SNX13: variants seen among roughly 807,000 people sequenced by gnomAD.
SNX13 encodes the protein sorting nexin 13, also known as sorting nexin-13.
A neutral mutation model predicts 133.6 loss-of-function variants in SNX13; 45 were observed. That is an observed-to-expected ratio of 0.34 (90% CI 0.27 to 0.43). SNX13 has a LOEUF of 0.43. Among genes scored for constraint, SNX13 ranks in the 20% least tolerant of loss-of-function variants. SNX13 has a pLI of 1.00. For synonymous variants in SNX13, 414 were observed against 373.9 expected, an observed-to-expected ratio of 1.11 and a Z score of -1.24; for missense variants, 1,032 against 1,145.1, an observed-to-expected ratio of 0.90 and a Z score of 1.43.
At chr7:17,938,506 C>T (rs6973480) in intron 1 of SNX13, among the ~76,000 whole-genome samples, 69,719 of 152,084 alleles carry the variant, frequency 0.46, 16,637 homozygotes, top group Admixed American at 0.54. Context: ...GAAAAGTTAA[C>T]AGAATGGGCT....
chr7:17,802,083 A>G (rs1198571516), intron 21 of SNX13, among the ~76,000 whole-genome samples: 1 of 152,054 alleles, frequency 6.6e-6, no homozygotes, highest in Non-Finnish European at 1.5e-5. Context: ...TTTGTGTACC[A>G]TTGTGTTAAA....
chr7:17,906,060 G>C (rs541952847), intron 1 of SNX13, among the ~76,000 whole-genome samples: 1 of 152,204 alleles, frequency 6.6e-6, no homozygotes, highest in East Asian at 1.9e-4. Context: ...TAGTTTGTGT[G>C]GGATAAATGC....
chr7:17,805,211 TTGTGTGTGTGTGTGTGTG>T (rs55946438), intron 20 of SNX13, among the ~76,000 whole-genome samples: 3 of 118,492 alleles, frequency 2.5e-5, no homozygotes, highest in Non-Finnish European at 3.4e-5. Flanking sequence ...TAATGATTCT[TTGTGTGTGTGTGTGTGTG>T]TGTGTGTGTG....
chr7:17,872,416 G>A (rs776447260), intron 8 of SNX13, among the ~76,000 whole-genome samples: 1 of 152,074 alleles, frequency 6.6e-6, no homozygotes, highest in African/African-American at 2.4e-5. Context: ...TATGCCAAAT[G>A]GATACTCTGC....
At chr7:17,938,687 T>C (rs1045546391) in intron 1 of SNX13, among the ~76,000 whole-genome samples, 3 of 152,226 alleles carry the variant, frequency 2.0e-5, no homozygotes, top group Non-Finnish European at 2.9e-5. Context: ...GAAAGCTCCA[T>C]CTTTCCAAAT....
At chr7:17,825,530 A>G (rs1218042186) in intron 17 of SNX13, among the ~76,000 whole-genome samples, 1 of 152,166 alleles carries the variant, frequency 6.6e-6, no homozygotes, top group East Asian at 1.9e-4. Flanking sequence ...ATTTACTAAC[A>G]ATTCTTCACA....
chr7:17,872,012 T>C (rs1409007351), intron 8 of SNX13, among the ~76,000 whole-genome samples: 1 of 152,186 alleles, frequency 6.6e-6, no homozygotes, highest in East Asian at 1.9e-4. Flanking sequence ...AGACTTCCAC[T>C]TTGGACATTT....
At chr7:17,827,054 C>T (rs1787988704) in intron 16 of SNX13, among the ~76,000 whole-genome samples, 3 of 151,982 alleles carry the variant, frequency 2.0e-5, no homozygotes, top group Non-Finnish European at 1.5e-5. Context: ...TTCTAGGAGT[C>T]CAGAATTTTG....
intron 17 of SNX13, among the ~76,000 whole-genome samples, chr7:17,822,502 CT>C (rs1480374387): frequency 1.3e-5 from 2 of 151,942 alleles, no homozygotes; most frequent in African/African-American, 4.8e-5. Context: ...TTATTTGGTT[CT>C]TTTTCATACT....
intron 1 of SNX13, among the ~76,000 whole-genome samples, chr7:17,916,372 G>C (rs1034337846): frequency 6.6e-6 from 1 of 152,066 alleles, no homozygotes; most frequent in Non-Finnish European, 1.5e-5. Context: ...AAAATCAAAA[G>C]TTGGTTATTT....
intron 20 of SNX13, among the ~76,000 whole-genome samples, chr7:17,808,989 C>A (rs1785654671): frequency 6.6e-6 from 1 of 152,090 alleles, no homozygotes; most frequent in African/African-American, 2.4e-5. Context: ...CCAGTATCAG[C>A]CACTGCAAAA....
chr7:17,888,701 T>C, intron 5 of SNX13: 1 of 470,932 alleles, frequency 2.1e-6, no homozygotes, highest in Non-Finnish European at 4.4e-6. Flanking sequence ...CTTTGTTTTA[T>C]TCACTGCTGT....
At chr7:17,927,186 CATATAATATATATGTGTAT>C (rs1800851259) in intron 1 of SNX13, among the ~76,000 whole-genome samples, 1 of 149,490 alleles carries the variant, frequency 6.7e-6, no homozygotes, top group Admixed American at 6.7e-5. Context: ...TATGCGTGTA[CATATAATATATATGTGTAT>C]ATATAATATA....
chr7:17,889,271 A>C (rs1439257737), intron 5 of SNX13: 5 of 152,442 alleles, frequency 3.3e-5, no homozygotes, highest in African/African-American at 1.2e-4. Flanking sequence ...ACGAGGGATG[A>C]GGAGTACAAA....
chr7:17,887,083 G>C (rs977198927), intron 5 of SNX13, among the ~76,000 whole-genome samples: 3 of 151,812 alleles, frequency 2.0e-5, no homozygotes, highest in African/African-American at 4.8e-5. Context: ...CACTTACTAT[G>C]TGCCAGCTTA....
chr7:17,859,251 A>C (rs187737295), intron 9 of SNX13, among the ~76,000 whole-genome samples: 224 of 152,256 alleles, frequency 1.5e-3, no homozygotes, highest in Middle Eastern at 6.8e-3. Context: ...ATCAATTTAA[A>C]AAAGATAAAC....
chr7:17,902,489 C>T (rs769924256), intron 1 of SNX13, among the ~76,000 whole-genome samples: 1 of 152,218 alleles, frequency 6.6e-6, no homozygotes, highest in South Asian at 2.1e-4. Flanking sequence ...ATATGTATAA[C>T]TGGCTGACAT....
chr7:17,844,293 G>T (rs2691612), intron 12 of SNX13, among the ~76,000 whole-genome samples: 1 of 151,674 alleles, frequency 6.6e-6, no homozygotes, highest in South Asian at 2.1e-4. Flanking sequence ...CCAATAAATC[G>T]GATATCCTAG....
intron 20 of SNX13, among the ~76,000 whole-genome samples, chr7:17,807,097 C>T (rs183801619): frequency 3.3e-5 from 5 of 152,226 alleles, no homozygotes; most frequent in South Asian, 2.1e-4. Context: ...GGAATGCCAC[C>T]GACACAGAAC....
Sources: gnomAD v4.1 joint callset for allele counts (sites outside exome capture counted in the v4.1 genomes callset) on GRCh38, gnomAD v4.1.1 for gene constraint, MANE v1.5 for transcripts, NCBI Gene and HGNC (gene_info 2026-07-23, HGNC 2026-07-21) for gene names.